Variants in IRF2BPL observed in about 807,000 individuals in gnomAD.
IRF2BPL encodes the protein interferon regulatory factor 2 binding protein like, also known as probable E3 ubiquitin-protein ligase IRF2BPL.
Under a neutral mutation model 51.2 loss-of-function variants are expected in IRF2BPL, and 13 were observed. The ratio of observed to expected loss-of-function variants is 0.25; its 90% CI spans 0.17 to 0.40. The LOEUF is 0.40. Among genes scored for constraint, IRF2BPL ranks in the 10% least tolerant of loss-of-function variants. IRF2BPL has a pLI of 1.00. For synonymous variants in IRF2BPL, 768 were observed against 509.2 expected (o/e 1.51, Z -6.84); for missense variants, 1,210 against 1,111.8 (o/e 1.09, Z -1.26).
Position 77,028,347 on chromosome 14 carries a change from G to T in IRF2BPL, c.-555C>A. 3.9e-6 allele frequency: 1 copy of T among 256,084 alleles called. No individual in the cohort carries two copies. 15.9% of individuals were successfully genotyped at this position (256,084 alleles called of 1,614,324 possible). A position where few individuals can be genotyped will look rare whatever the true frequency, so the allele number is the denominator to read the frequency against. ...GCCGCTGCTTCCCCGGAGGACCGGG[G>T]GAGGGGGTGGCAGCCGAGAAAGGAC... is the stretch of plus-strand genomic sequence containing the variant. On this transcript the variant is annotated 5_prime_UTR_variant, in exon 1 of 1. Transcript: ENST00000238647.
In IRF2BPL at chr14:77,027,956, G is replaced by T; in HGVS notation, c.-164C>A. 1.2e-6 allele frequency: 1 copy of T among 842,738 alleles called. No individual in the cohort carries two copies. The highest frequency in any genetic ancestry group is 1.7e-6 in the Non-Finnish European group (1 of 593,730). The allele number at this position is 842,738 out of a possible 1,614,324, so 52.2% of individuals were successfully genotyped here. A position where few individuals can be genotyped will look rare whatever the true frequency, so the allele number is the denominator to read the frequency against. ...GCTGGAGGGAACGCGAGTCTCCACC[G>T]CCGGCGCAGCGCCTCGCCGTGGGGG... On this transcript the variant is annotated 5_prime_UTR_variant, in exon 1 of 1. Coordinates refer to ENST00000238647, the MANE Select transcript of IRF2BPL (RefSeq NM_024496.4).
Position 77,027,597 on chromosome 14 carries a change from C to T in IRF2BPL, c.196G>A (p.Asp66Asn). The T allele has an allele frequency of 1.3e-6, 2 of 1,590,702 alleles. No homozygotes were observed. Among genetic ancestry groups the T allele is most frequent in the African/African-American group, 2.7e-5 (2 of 73,354 alleles). ...QLKRAHGCFQ[D>N]GRSPGPPPPV... ...GGCGGCGGCCCGGGGGAGCGGCCGT[C>T]CTGGAAGCAGCCGTGCGCCCGCTTC... Residue 66 changes from aspartate to asparagine, a missense_variant, in exon 1 of 1, where the codon GAC becomes AAC. Transcript: ENST00000238647.
Position 77,027,085 on chromosome 14 carries a change from A to C in IRF2BPL, c.708T>G (p.Val236=), listed in dbSNP as rs763874257. ...CACCCCCCGGGTTGGGCAGCCCCGT[A>C]ACCAGCCCACCGTGCGTTCCACGCC... ...ASRRGTHGGL[V]TGLPNPGGGG... The change falls in exon 1 of 1, where the codon GTT becomes GTG. Residue 236 remains valine (V), a synonymous_variant. Coordinates refer to ENST00000238647, the MANE Select transcript of IRF2BPL (RefSeq NM_024496.4). 7 of 1,607,966 alleles carry C rather than the reference A, an allele frequency of 4.4e-6. No homozygotes were observed. The South Asian group carries it at 6.6e-5, about 15-fold the overall frequency.
At position 77,025,848 on chromosome 14, in the gene IRF2BPL, T is replaced by C. The variant is rs755907934; in HGVS notation, c.1945A>G (p.Thr649Ala). The stretch of plus-strand genomic sequence containing the variant: ...CTGTTTCGCCGCGCCGACGCAGTGG[T>C]AGAGTGCACGGAACTGCCATCCTTG... ...SPKDGSSVHS[T>A]TASARRNSSS... The change falls in exon 1 of 1, where the codon ACC (threonine) becomes GCC (alanine). Residue 649 changes from threonine (T) to alanine (A), a missense_variant. Transcript: ENST00000238647. 6.2e-7 allele frequency: 1 copy of C among 1,612,348 alleles called. No individual in the cohort carries two copies. Among genetic ancestry groups the C allele is most frequent in the Non-Finnish European group, 8.5e-7 (1 of 1,179,794 alleles).
In IRF2BPL at chr14:77,027,741, C is replaced by T. The variant is rs1209709014; in HGVS notation, c.52G>A (p.Asp18Asn). 6.2e-7 allele frequency: 1 copy of T among 1,604,830 alleles called. No homozygotes were observed. The highest frequency in any genetic ancestry group is 1.4e-5 in the African/African-American group (1 of 74,018). The change falls in exon 1 of 1, where the codon GAC (aspartate) becomes AAC (asparagine). Residue 18 changes from aspartate (D) to asparagine (N), a missense_variant. Asp to Asn is a conservative substitution (Grantham distance 23, BLOSUM62 1). Transcript: ENST00000238647. ...SSRRQSCYLCDLPRMPWAMIW... is the reference protein window; with the variant it reads ...SSRRQSCYLCNLPRMPWAMIW... ...ATGGCCCAGGGCATGCGGGGCAGGTCGCACAGGTAGCAAGATTGTCTCCGG... is the reference window on the plus strand; with the variant it reads ...ATGGCCCAGGGCATGCGGGGCAGGTTGCACAGGTAGCAAGATTGTCTCCGG...
rs1885208872 is a variant in IRF2BPL at position 77,027,906 on chromosome 14, G to A, written c.-114C>T. ...TCCGACTGCGGGGGAGGGAGGAGGG[G>A]GGGCGAGAAAGTTCTGCCCCAGGGG... is the stretch of plus-strand genomic sequence containing the variant. On this transcript the variant is annotated 5_prime_UTR_variant, in exon 1 of 1. Coordinates refer to ENST00000238647, the MANE Select transcript of IRF2BPL (RefSeq NM_024496.4). 2.3e-6 allele frequency: 3 copies of A among 1,302,270 alleles called. No individual in the cohort carries two copies. Among genetic ancestry groups the A allele is most frequent in the Non-Finnish European group, 2.0e-6 (2 of 995,274 alleles). The allele number at this position is 1,302,270 out of a possible 1,614,324, so 80.7% of individuals were successfully genotyped here.
rs758187621 is a variant in IRF2BPL, at chr14:77,027,025, C to G, written c.768G>C (p.Leu256=). ...GGPQLTVPPN[L]LPQTLLNGPA... ...GGCCGTTAAGCAGCGTCTGCGGTAG[C>G]AGGTTGGGGGGCACGGTGAGCTGGG... The change falls in exon 1 of 1, where the codon CTG becomes CTC. Residue 256 remains leucine, a synonymous_variant. Coordinates refer to ENST00000238647, the MANE Select transcript of IRF2BPL (RefSeq NM_024496.4). 27 of 1,532,456 alleles carry G rather than the reference C, an allele frequency of 1.8e-5. No homozygotes were observed. In the South Asian group the frequency reaches 2.0e-4, roughly 12 times the overall value. The allele number at this position is 1,532,456 out of a possible 1,614,324, so 94.9% of individuals were successfully genotyped here.
rs543645121 is a variant in IRF2BPL at position 77,026,927 on chromosome 14, G to A, written c.866C>T (p.Pro289Leu). ...AGCGGGGCCCCCAGGAGCCCCTGGGGGAGCAGGCGTCGGGGGCCCACGGCT... is the reference window on the plus strand; with the variant it reads ...AGCGGGGCCCCCAGGAGCCCCTGGGAGAGCAGGCGTCGGGGGCCCACGGCT... Reference protein sequence around the residue: ...LGSRGPPTPAPPGAPGGPACL... With the variant: ...LGSRGPPTPALPGAPGGPACL... Residue 289 changes from proline (P) to leucine (L), a missense_variant, in exon 1 of 1, where the codon CCC becomes CTC. Physicochemically the swap from Pro to Leu is moderately conservative, Grantham distance 98. Transcript: ENST00000238647. The A allele has an allele frequency of 8.1e-6, 12 of 1,476,174 alleles. No individual in the cohort carries two copies. The South Asian group carries it at 1.6e-4, about 20-fold the overall frequency. The allele number at this position is 1,476,174 out of a possible 1,614,324, so 91.4% of individuals were successfully genotyped here.
In IRF2BPL at chr14:77,025,760, T is replaced by G. The variant is rs780888826; in HGVS notation, c.2033A>C (p.Asp678Ala). The change falls in exon 1 of 1, where the codon GAC (aspartate) becomes GCC (alanine). Residue 678 changes from aspartate to alanine, a missense_variant. By Grantham distance (126) the Asp-to-Ala change is moderately radical. Transcript: ENST00000238647. ...GQRRLASRNG[D>A]LNLQVAPPPP... ...CGGGGGCGCCACCTGTAAATTCAGG[T>G]CCCCGTTACGTGATGCCAAGCGGCG... 1 of 1,599,410 alleles carries G rather than the reference T, an allele frequency of 6.3e-7. No homozygotes were observed. The highest frequency in any genetic ancestry group is 8.5e-7 in the Non-Finnish European group (1 of 1,172,044).
rs904683158 is a variant in IRF2BPL at position 77,027,156 on chromosome 14, G to A, written c.637C>T (p.Arg213Cys). ...GCTGAAGAAGAATTGGGGCTCTGAC[G>A]GTTCAGCTCTGGGGGTCCCTCCTCT... The part of the protein sequence containing the change: ...TPEEGPPELN[R>C]QSPNSSSAAA... The change falls in exon 1 of 1, where the codon CGT becomes TGT. Residue 213 changes from arginine to cysteine, a missense_variant. Physicochemically the swap from Arg to Cys is radical, Grantham distance 180. Coordinates refer to ENST00000238647, the MANE Select transcript of IRF2BPL (RefSeq NM_024496.4). The A allele has an allele frequency of 5.6e-6, 9 of 1,613,072 alleles. No homozygotes were observed. Among genetic ancestry groups the A allele is most frequent in the African/African-American group, 1.3e-5 (1 of 74,986 alleles).
At position 77,027,649 on chromosome 14, in the gene IRF2BPL, T is replaced by G. The variant is rs1164638983; in HGVS notation, c.144A>C (p.Glu48Asp). 6.2e-7 allele frequency: 1 copy of G among 1,610,574 alleles called. No individual in the cohort carries two copies. The highest frequency in any genetic ancestry group is 8.5e-7 in the Non-Finnish European group (1 of 1,179,018). Residue 48 changes from glutamate to aspartate, a missense_variant, in exon 1 of 1, where the codon GAA becomes GAC. Transcript: ENST00000238647. Reference protein sequence around the residue: ...CVNYEGADRIEFVIETARQLK... With the variant: ...CVNYEGADRIDFVIETARQLK... ...GCTGGCGCGCTGTCTCGATCACGAA[T>G]TCGATGCGATCAGCGCCCTCGTAGT...
chr14:77,025,311 G>T lies in IRF2BPL; in HGVS notation c.*91C>A. ...ATTCACAATTCTACACCTTGGGGGT[G>T]AGGGGAGGGAGGGTCGAGTTGGGTT... On this transcript the variant is annotated 3_prime_UTR_variant, in exon 1 of 1. Coordinates refer to ENST00000238647, the MANE Select transcript of IRF2BPL (RefSeq NM_024496.4). 2.4e-6 allele frequency: 2 copies of T among 842,424 alleles called. No individual in the cohort carries two copies. The highest frequency in any genetic ancestry group is 3.6e-6 in the Non-Finnish European group (2 of 549,810). The allele number at this position is 842,424 out of a possible 1,614,324, so 52.2% of individuals were successfully genotyped here. A position where few individuals can be genotyped will look rare whatever the true frequency, so the allele number is the denominator to read the frequency against.
In IRF2BPL at chr14:77,027,332, G is replaced by A. The variant is rs779315430; in HGVS notation, c.461C>T (p.Ala154Val). Reference sequence around the variant, plus strand: ...GGCGGCGGCGGCGGCGGCGGCGGCGGCAGCGCTTAGGCCGTAGCGCTCCAG... The same window carrying A: ...GGCGGCGGCGGCGGCGGCGGCGGCGACAGCGCTTAGGCCGTAGCGCTCCAG... ...SGLERYGLSAAAAAAAAAAAA... is the reference protein window; with the variant it reads ...SGLERYGLSAVAAAAAAAAAA... Residue 154 changes from alanine (A) to valine (V), a missense_variant, in exon 1 of 1, where the codon GCC becomes GTC. Coordinates refer to ENST00000238647, the MANE Select transcript of IRF2BPL (RefSeq NM_024496.4). 8 of 1,530,070 alleles carry A rather than the reference G, an allele frequency of 5.2e-6. No individual in the cohort carries two copies. The African/African-American group carries it at 1.0e-4, about 19-fold the overall frequency. 94.8% of individuals were successfully genotyped at this position (1,530,070 alleles called of 1,614,324 possible). A position where few individuals can be genotyped will look rare whatever the true frequency, so the allele number is the denominator to read the frequency against.
chr14:77,025,995 G>C lies in IRF2BPL; in HGVS notation c.1798C>G (p.Pro600Ala). The C allele has an allele frequency of 1.3e-6, 2 of 1,571,560 alleles. No individual in the cohort carries two copies. The highest frequency in any genetic ancestry group is 1.7e-6 in the Non-Finnish European group (2 of 1,159,672). ...TTGGAATGGGGTCCCAGAGGTGGGG[G>C]CGGCGGAGGCGGACCCCCCGCCGCG... ...GHAAGGPPPP[P>A]PPLGPHSNRT... Residue 600 changes from proline to alanine, a missense_variant, in exon 1 of 1, where the codon CCC becomes GCC. Pro to Ala is a conservative substitution (Grantham distance 27). Coordinates refer to ENST00000238647, the MANE Select transcript of IRF2BPL (RefSeq NM_024496.4).
rs1045489697 is a variant in IRF2BPL at position 77,025,870 on chromosome 14, C to G, written c.1923G>C (p.Lys641Asn). 10 of 1,612,600 alleles carry G rather than the reference C, an allele frequency of 6.2e-6. No individual in the cohort carries two copies. The highest frequency in any genetic ancestry group is 8.5e-6 in the Non-Finnish European group (10 of 1,179,798). The change falls in exon 1 of 1, where the codon AAG (lysine) becomes AAC (asparagine). Residue 641 changes from lysine (K) to asparagine (N), a missense_variant. Lys to Asn is a moderately conservative substitution (Grantham distance 94, BLOSUM62 0). Coordinates refer to ENST00000238647, the MANE Select transcript of IRF2BPL (RefSeq NM_024496.4). Reference protein sequence around the residue: ...ADTLGTAHSPKDGSSVHSTTA... With the variant: ...ADTLGTAHSPNDGSSVHSTTA... ...TGGTAGAGTGCACGGAACTGCCATC[C>G]TTGGGCGAGTGCGCTGTGCCCAGAG...
Position 77,027,691 on chromosome 14 carries a change from T to C in IRF2BPL, c.102A>G (p.Val34=), listed in dbSNP as rs910735154. Residue 34 remains valine (V), a synonymous_variant, in exon 1 of 1, where the codon GTA becomes GTG. Coordinates refer to ENST00000238647, the MANE Select transcript of IRF2BPL (RefSeq NM_024496.4). ...WAMIWDFSEP[V]CRGCVNYEGA... is the part of the protein sequence containing the mutation. The stretch of plus-strand genomic sequence containing the variant: ...CCTCGTAGTTGACGCAACCGCGGCA[T>C]ACGGGTTCCGAGAAGTCCCAGATCA... 10 of 1,611,690 alleles carry C rather than the reference T, an allele frequency of 6.2e-6. No individual in the cohort carries two copies. The highest frequency in any genetic ancestry group is 8.5e-6 in the Non-Finnish European group (10 of 1,179,414).
rs1399738010 is a variant in IRF2BPL at position 77,026,131 on chromosome 14, G to A, written c.1662C>T (p.Ala554=). The change falls in exon 1 of 1, where the codon GCC becomes GCT. Residue 554 remains alanine, a synonymous_variant. Transcript: ENST00000238647. ...CCTCGCCCAGCTTCAGCGCGCCCTCGGCTGAGTCCGGGGGCTCCGGAGAGG... is the reference window on the plus strand; with the variant it reads ...CCTCGCCCAGCTTCAGCGCGCCCTCAGCTGAGTCCGGGGGCTCCGGAGAGG... ...RKASPEPPDS[A]EGALKLGEEQ... is the part of the protein sequence containing the mutation. 3 of 1,562,460 alleles carry A rather than the reference G, an allele frequency of 1.9e-6. No homozygotes were observed. The highest frequency in any genetic ancestry group is 1.8e-5 in the Admixed American group (1 of 54,352).
Position 77,025,738 on chromosome 14 carries a change from G to A in IRF2BPL, c.2055C>T (p.Pro685=). Residue 685 remains proline, a synonymous_variant, in exon 1 of 1, where the codon CCC becomes CCT. Coordinates refer to ENST00000238647, the MANE Select transcript of IRF2BPL (RefSeq NM_024496.4). ...RNGDLNLQVA[P]PPPSAHPGMD... ...TGCCCGGGTGGGCGCTAGGCGGCGG[G>A]GGCGCCACCTGTAAATTCAGGTCCC... is the stretch of plus-strand genomic sequence containing the variant. The A allele has an allele frequency of 4.4e-6, 7 of 1,584,026 alleles. No homozygotes were observed. Among genetic ancestry groups the A allele is most frequent in the Non-Finnish European group, 6.0e-6 (7 of 1,164,128 alleles).
rs565770264 is a variant in IRF2BPL, at chr14:77,026,863, G to C, written c.930C>G (p.Ser310=). The change falls in exon 1 of 1, where the codon TCC becomes TCG. Residue 310 remains serine, a synonymous_variant. Transcript: ENST00000238647. Reference sequence around the variant, plus strand: ...ACGAAGAGGTCGAAGACGACGCGGAGGACGACGTGGCCGATACACCCGGGG... The same window carrying C: ...ACGAAGAGGTCGAAGACGACGCGGACGACGACGTGGCCGATACACCCGGGG... ...GGTPGVSATS[S]SASSSTSSSV... 31 of 1,593,646 alleles carry C rather than the reference G, an allele frequency of 1.9e-5. No individual in the cohort carries two copies. Among genetic ancestry groups the C allele is most frequent in the Admixed American group, 1.7e-4 (10 of 57,148 alleles).
Sources: gnomAD v4.1 joint callset for allele counts on GRCh38, gnomAD v4.1.1 for gene constraint, MANE v1.5 for transcripts, NCBI Gene and HGNC (gene_info 2026-07-23, HGNC 2026-07-21) for gene names.